Variants in CTNNA3 observed in about 807,000 individuals in gnomAD.
CTNNA3 encodes the protein catenin alpha-3.
In CTNNA3, 76 loss-of-function variants were observed where a neutral mutation model predicts 95.7. The observed-to-expected ratio is 0.79, with a 90% CI of 0.66 to 0.96. The LOEUF is 0.96. Among genes scored for constraint, CTNNA3 ranks in the 40% least tolerant of loss-of-function variants. The probability of loss-of-function intolerance (pLI) is 0.00; values close to 1 mark genes in which losing one functional copy is unlikely to be tolerated. For synonymous variants in CTNNA3, 431 were observed against 374.4 expected (o/e 1.15, Z -1.74); for missense variants, 1,191 against 1,089.8 (o/e 1.09, Z -1.31).
chr10:66,167,900 A>C (rs1293197626), intron 13 of CTNNA3, among the ~76,000 whole-genome samples: 1 of 152,138 alleles, frequency 6.6e-6, no homozygotes, highest in African/African-American at 2.4e-5. Flanking sequence ...GGCCTGCCTT[A>C]ATATCCCAGA....
At chr10:67,566,942 G>A (rs1044722606) in intron 3 of CTNNA3, among the ~76,000 whole-genome samples, 2 of 146,862 alleles carry the variant, frequency 1.4e-5, no homozygotes, top group Non-Finnish European at 3.0e-5. Context: ...AACACCACAT[G>A]TTCTCACTCA....
intron 5 of CTNNA3, among the ~76,000 whole-genome samples, chr10:67,420,554 G>A (rs1845711204): frequency 6.6e-6 from 1 of 152,128 alleles, no homozygotes; most frequent in Admixed American, 6.6e-5. Flanking sequence ...GATTTTAGGA[G>A]GGTTCAATGG....
At chr10:67,203,905 C>T (rs1314110412) in intron 6 of CTNNA3, among the ~76,000 whole-genome samples, 2 of 152,060 alleles carry the variant, frequency 1.3e-5, no homozygotes, top group Admixed American at 6.6e-5. Flanking sequence ...GCTGGAAATT[C>T]CCATTTCATT....
chr10:67,102,000 A>G (rs1302059193), intron 7 of CTNNA3, among the ~76,000 whole-genome samples: 2 of 151,760 alleles, frequency 1.3e-5, no homozygotes, highest in Non-Finnish European at 2.9e-5. Flanking sequence ...GCCTCAGGAG[A>G]AAAGGTGAAA....
intron 5 of CTNNA3, among the ~76,000 whole-genome samples, chr10:67,253,644 T>C (rs763627926): frequency 2.8e-4 from 43 of 151,880 alleles, no homozygotes; most frequent in Middle Eastern, 3.4e-3. Flanking sequence ...CTGTTGGGAG[T>C]AGAGAATGCA....
At chr10:66,464,429 T>C (rs1838818279) in intron 11 of CTNNA3, among the ~76,000 whole-genome samples, 1 of 152,124 alleles carries the variant, frequency 6.6e-6, no homozygotes, top group African/African-American at 2.4e-5. Flanking sequence ...AGGGAGCAAC[T>C]GTATCTCAGG....
intron 7 of CTNNA3, among the ~76,000 whole-genome samples, chr10:66,804,275 T>C (rs973918791): frequency 6.6e-6 from 1 of 152,050 alleles, no homozygotes; most frequent in African/African-American, 2.4e-5. Context: ...AGGTTTTATA[T>C]ATTGTTTTAT....
intron 1 of CTNNA3, among the ~76,000 whole-genome samples, chr10:67,717,330 C>G (rs753662637): frequency 2.0e-5 from 3 of 152,116 alleles, no homozygotes; most frequent in Non-Finnish European, 2.9e-5. Context: ...AATTAGGTCT[C>G]ATTTGTCTAT....
At chr10:66,812,613 G>A (rs186676379) in intron 7 of CTNNA3, among the ~76,000 whole-genome samples, 1 of 152,204 alleles carries the variant, frequency 6.6e-6, no homozygotes, top group Non-Finnish European at 1.5e-5. Context: ...TTCATAAGGT[G>A]AGAATTAAAT....
At chr10:66,277,377 T>C (rs1008308862) in intron 13 of CTNNA3, among the ~76,000 whole-genome samples, 2 of 152,124 alleles carry the variant, frequency 1.3e-5, no homozygotes, top group African/African-American at 4.8e-5. Flanking sequence ...TGAGCTTGTA[T>C]AATTACACAT....
intron 7 of CTNNA3, among the ~76,000 whole-genome samples, chr10:67,086,132 A>G (rs1857295182): frequency 6.6e-6 from 1 of 152,088 alleles, no homozygotes. Context: ...GGATAGATAA[A>G]TGGATGAAGG....
At chr10:67,731,197 T>C (rs188093616) in intron 1 of CTNNA3, among the ~76,000 whole-genome samples, 22 of 152,226 alleles carry the variant, frequency 1.4e-4, no homozygotes, top group Non-Finnish European at 5.9e-5. Flanking sequence ...TTGGAAAGCA[T>C]GGTGTAGGAA....
intron 6 of CTNNA3, among the ~76,000 whole-genome samples, chr10:67,198,644 G>T (rs1374822006): frequency 6.6e-6 from 1 of 152,134 alleles, no homozygotes; most frequent in Non-Finnish European, 1.5e-5. Context: ...ATTAATGAAG[G>T]ATGTTGCTGG....
At chr10:66,037,665 T>G (rs2079595004) in intron 15 of CTNNA3, among the ~76,000 whole-genome samples, 2 of 58,402 alleles carry the variant, frequency 3.4e-5, no homozygotes, top group African/African-American at 8.9e-5. Flanking sequence ...CAAAGTGGAT[T>G]CCAGTACGGT....
chr10:66,798,226 C>T (rs113039342), intron 7 of CTNNA3, among the ~76,000 whole-genome samples: 45 of 151,734 alleles, frequency 3.0e-4, no homozygotes, highest in African/African-American at 8.9e-4. Flanking sequence ...TAAGTGTTTA[C>T]TAAAATACCC....
intron 7 of CTNNA3, among the ~76,000 whole-genome samples, chr10:67,124,799 A>T (rs1313677725): frequency 6.6e-6 from 1 of 152,240 alleles, no homozygotes; most frequent in East Asian, 1.9e-4. Flanking sequence ...ATAATGTCAC[A>T]AAGTGACATG....
intron 7 of CTNNA3, among the ~76,000 whole-genome samples, chr10:66,860,638 G>A (rs1225977838): frequency 6.6e-6 from 1 of 152,110 alleles, no homozygotes; most frequent in Non-Finnish European, 1.5e-5. Flanking sequence ...ACCTTTTTAT[G>A]AGTATCTATG....
chr10:65,934,340 C>A (rs2077302521), intron 17 of CTNNA3, among the ~76,000 whole-genome samples: 1 of 152,092 alleles, frequency 6.6e-6, no homozygotes, highest in African/African-American at 2.4e-5. Flanking sequence ...GCACTAGTTG[C>A]TTCACATCAC....
intron 11 of CTNNA3, among the ~76,000 whole-genome samples, chr10:66,438,002 G>A (rs1394860965): frequency 6.6e-6 from 1 of 152,138 alleles, no homozygotes; most frequent in African/African-American, 2.4e-5. Flanking sequence ...ACTCCAGACC[G>A]TTTGCCTACG....
Sources: gnomAD v4.1 joint callset for allele counts (sites outside exome capture counted in the v4.1 genomes callset) on GRCh38, gnomAD v4.1.1 for gene constraint, MANE v1.5 for transcripts, NCBI Gene and HGNC (gene_info 2026-07-23, HGNC 2026-07-21) for gene names.